The following POMK variants were observed in gnomAD, a reference collection of about 807,000 sequenced individuals.
The protein encoded by POMK is protein O-mannose kinase.
A neutral mutation model predicts 23.0 loss-of-function variants in POMK; 19 were observed. That is an observed-to-expected ratio of 0.83 (90% CI 0.58 to 1.21). The LOEUF (loss-of-function observed/expected upper bound fraction) is 1.21. Among genes scored for constraint, POMK ranks in the 50% most tolerant of loss-of-function variants. POMK has a pLI of 0.00. For synonymous variants in POMK, 173 were observed against 171.6 expected, an observed-to-expected ratio of 1.01 and a Z score of -0.06; for missense variants, 410 against 431.3, an observed-to-expected ratio of 0.95 and a Z score of 0.44.
intron 2 of POMK, among the ~76,000 whole-genome samples, chr8:43,101,610 G>A (rs1811442360): frequency 6.6e-6 from 1 of 152,106 alleles, no homozygotes; most frequent in Non-Finnish European, 1.5e-5. Flanking sequence ...TAGATGTGCA[G>A]GATTATCTCC....
rs1371685514 is a variant in POMK at position 43,122,173 on chromosome 8, G to A, written c.349G>A (p.Asp117Asn). The change falls in exon 5 of 5, where the codon GAT becomes AAT. Residue 117 changes from aspartate to asparagine, a missense_variant. Physicochemically the swap from Asp to Asn is conservative, Grantham distance 23. Transcript: ENST00000331373. ...LSQLTSLEMK[D>N]DFLHGLQMLK... ...ACAGCTCACCAGCCTGGAGATGAAA[G>A]ATGATTTCCTCCATGGACTGCAGAT... 3.1e-6 allele frequency: 5 copies of A among 1,614,082 alleles called. No individual in the cohort carries two copies.
At chr8:43,111,690 C>T (rs1811671114) in intron 4 of POMK, among the ~76,000 whole-genome samples, 1 of 152,180 alleles carries the variant, frequency 6.6e-6, no homozygotes, top group South Asian at 2.1e-4. Flanking sequence ...CAGACTGACA[C>T]CTCACACGGC....
chr8:43,095,958 CAGG>C (rs1044176890), intron 1 of POMK, among the ~76,000 whole-genome samples: 1 of 152,140 alleles, frequency 6.6e-6, no homozygotes, highest in Non-Finnish European at 1.5e-5. Context: ...CCTCAGAAGA[CAGG>C]AGCCGTGAGG....
intron 4 of POMK, among the ~76,000 whole-genome samples, chr8:43,109,602 G>C (rs1244838941): frequency 6.6e-6 from 1 of 151,936 alleles, no homozygotes; most frequent in Non-Finnish European, 1.5e-5. Context: ...GAGTGCAATG[G>C]CATGGTCTCG....
chr8:43,121,840 G>C (rs1004823624), intron 4 of POMK, among the ~76,000 whole-genome samples: 2 of 152,216 alleles, frequency 1.3e-5, no homozygotes, highest in Non-Finnish European at 2.9e-5. Flanking sequence ...AGCACCCTCT[G>C]CAGCAGCTCT....
chr8:43,109,612 G>A (rs769519412), intron 4 of POMK, among the ~76,000 whole-genome samples: 13 of 151,668 alleles, frequency 8.6e-5, no homozygotes, highest in African/African-American at 2.7e-4. Flanking sequence ...GCATGGTCTC[G>A]GCTCACTGCA....
rs936204221 is a variant in POMK at position 43,120,214 on chromosome 8, CT to C, written c.283-1880del. On this transcript the variant is annotated intron_variant, in intron 4 of 4. Coordinates refer to ENST00000331373, the MANE Select transcript of POMK (RefSeq NM_032237.5). ...TGTATACTTCTCATTTGTAACATTG[CT>C]TTTTTTTTTTTTGAGATGGAGTTTC... 2.5e-3 allele frequency among the ~76,000 whole-genome samples: 357 copies of C among 141,314 alleles called. 1 individual carries two copies. Among genetic ancestry groups the C allele is most frequent in the Middle Eastern group, 3.7e-3 (1 of 268 alleles). 92.7% of individuals were successfully genotyped at this position (141,314 alleles called of 152,430 possible). A position where few individuals can be genotyped will look rare whatever the true frequency, so the allele number is the denominator to read the frequency against.
intron 1 of POMK, among the ~76,000 whole-genome samples, chr8:43,094,358 A>C (rs911730953): frequency 2.0e-5 from 3 of 152,194 alleles, no homozygotes; most frequent in Non-Finnish European, 4.4e-5. Flanking sequence ...TGTTTAAAAA[A>C]ACAAAAACCA....
chr8:43,101,417 C>CA (rs1156411465), intron 2 of POMK, among the ~76,000 whole-genome samples: 2,177 of 56,848 alleles, frequency 0.038, 23 homozygotes, highest in East Asian at 0.045. Flanking sequence ...GACCCTATGT[C>CA]AAAAAAAAAA....
intron 1 of POMK, among the ~76,000 whole-genome samples, chr8:43,094,819 C>T (rs941190094): frequency 6.6e-6 from 1 of 152,164 alleles, no homozygotes; most frequent in African/African-American, 2.4e-5. Flanking sequence ...ATAAGCCTTC[C>T]TATCAGTGTC....
chr8:43,100,599 C>T (rs887075736), intron 2 of POMK, among the ~76,000 whole-genome samples: 1 of 151,370 alleles, frequency 6.6e-6, no homozygotes, highest in Non-Finnish European at 1.5e-5. Flanking sequence ...GCTGGGTGTG[C>T]GCTTGTGGGG....
At chr8:43,121,658 C>T (rs1287178589) in intron 4 of POMK, among the ~76,000 whole-genome samples, 3 of 152,226 alleles carry the variant, frequency 2.0e-5, no homozygotes, top group East Asian at 3.8e-4. Context: ...TCCCCTGCCT[C>T]CTCTTCCTCC....
chr8:43,111,120 G>C (rs551995072), intron 4 of POMK, among the ~76,000 whole-genome samples: 1 of 152,180 alleles, frequency 6.6e-6, no homozygotes, highest in Non-Finnish European at 1.5e-5. Context: ...GAAGCAGGGC[G>C]AGGCATTGCC....
chr8:43,103,831 G>T lies in POMK; in HGVS notation c.282+1G>T. ...TGTTGGGGAAGGAGCTGTAAAGAGA[G>T]TGAGTCCGGGTTCATTTGCGATTGC... On this transcript the variant is annotated splice_donor_variant, in intron 4 of 4. Transcript: ENST00000331373. LOFTEE classifies it high-confidence loss of function. 6.2e-7 allele frequency: 1 copy of T among 1,613,980 alleles called. No homozygotes were observed.
intron 4 of POMK, among the ~76,000 whole-genome samples, chr8:43,112,076 T>G (rs1045325991): frequency 6.6e-6 from 1 of 151,692 alleles, no homozygotes; most frequent in Non-Finnish European, 1.5e-5. Context: ...AGAATGACTT[T>G]GATGAGTTGA....
intron 4 of POMK, among the ~76,000 whole-genome samples, chr8:43,121,442 A>G (rs1481906148): frequency 1.3e-5 from 2 of 152,252 alleles, no homozygotes; most frequent in African/African-American, 2.4e-5. Flanking sequence ...TTTATGTAGC[A>G]TTTCAGCTCC....
intron 1 of POMK, among the ~76,000 whole-genome samples, chr8:43,094,432 C>T (rs957538396): frequency 1.1e-4 from 17 of 152,208 alleles, no homozygotes; most frequent in Admixed American, 9.2e-4. Context: ...TGTCTCAGCT[C>T]TTTGCCTTTG....
chr8:43,116,611 T>A (rs1811803715), intron 4 of POMK, among the ~76,000 whole-genome samples: 1 of 152,146 alleles, frequency 6.6e-6, no homozygotes, highest in South Asian at 2.1e-4. Context: ...CAATAAAGGA[T>A]CTCATAGGTA....
rs753290939 is a variant in POMK, at chr8:43,103,671, C to G, written c.123C>G (p.Phe41Leu). 1.2e-6 allele frequency: 2 copies of G among 1,614,138 alleles called. No homozygotes were observed. The highest frequency in any genetic ancestry group is 1.7e-6 in the Non-Finnish European group (2 of 1,180,044). ...TGCTCTACCTCTGCCTCGACCACTT[C>G]TTCATCGCTCCTCGACAATCCACTG... The part of the protein sequence containing the change: ...NTLLYLCLDH[F>L]FIAPRQSTVD... The change falls in exon 4 of 5, where the codon TTC becomes TTG. Residue 41 changes from phenylalanine to leucine, a missense_variant. By Grantham distance (22) the Phe-to-Leu change is conservative. Transcript: ENST00000331373.
Sources: allele counts gnomAD v4.1 joint callset (sites outside exome capture counted in the v4.1 genomes callset), GRCh38; gene constraint gnomAD v4.1.1; transcripts MANE v1.5; gene names NCBI Gene and HGNC (gene_info 2026-07-23, HGNC 2026-07-21).